SLC48A1: variants seen among roughly 807,000 people sequenced by gnomAD.
The protein encoded by SLC48A1 is heme transporter HRG1.
SLC48A1 carries 6 observed loss-of-function variants against 14.8 expected under a neutral mutation model. The observed-to-expected ratio is 0.41, with a 90% CI of 0.22 to 0.80. SLC48A1 has a LOEUF of 0.80. Ranked by LOEUF, SLC48A1 falls within the 30% of genes least tolerant of loss-of-function variation. The pLI, the probability that SLC48A1 is intolerant of heterozygous loss-of-function variation, is 0.34. For synonymous variants in SLC48A1, 89 were observed against 90.0 expected, an observed-to-expected ratio of 0.99 and a Z score of 0.06; for missense variants, 165 against 204.8, an observed-to-expected ratio of 0.81 and a Z score of 1.19.
chr12:47,770,812 G>T (rs978538864), upstream of SLC48A1: 7 of 456,518 alleles, frequency 1.5e-5, no homozygotes, highest in Non-Finnish European at 2.2e-5. Context: ...CTCCAAACCC[G>T]CTACTCTACC....
intron 2 of SLC48A1, among the ~76,000 whole-genome samples, chr12:47,779,631 T>A (rs899268875): frequency 2.0e-5 from 3 of 151,960 alleles, no homozygotes; most frequent in Non-Finnish European, 4.4e-5. Context: ...CCTTCCCTAA[T>A]CCCCACGGCC....
upstream of SLC48A1, chr12:47,773,197 G>C (rs1942663090): frequency 9.9e-7 from 1 of 1,012,932 alleles, no homozygotes; most frequent in Admixed American, 6.0e-5. Flanking sequence ...GCGGAGCGCG[G>C]GGCGCCGGCT....
chr12:47,773,663 G>A (rs1262307140), intron 1 of SLC48A1, among the ~76,000 whole-genome samples: 1 of 151,108 alleles, frequency 6.6e-6, no homozygotes, highest in African/African-American at 2.4e-5. Flanking sequence ...ACCTGGGGGT[G>A]CCGACGGCCC....
chr12:47,760,223 G>A lies in SLC48A1; in HGVS notation c.-365G>A, dbSNP rs915304886. On this transcript the variant is annotated 5_prime_UTR_variant, in exon 2 of 5. Coordinates refer to the SLC48A1 transcript ENST00000547002. ...TTGGAACAAACACCCCAGGTCATCTGCTGTGTCCACACATTAAGAAACGCT... is the reference window on the plus strand; with the variant it reads ...TTGGAACAAACACCCCAGGTCATCTACTGTGTCCACACATTAAGAAACGCT... The A allele has an allele frequency of 2.0e-5, 20 of 985,484 alleles. No homozygotes were observed. The South Asian group carries it at 9.4e-4, about 46-fold the overall frequency. 61.0% of individuals were successfully genotyped at this position (985,484 alleles called of 1,614,324 possible).
upstream of SLC48A1, chr12:47,773,231 G>C (rs909162506): frequency 6.5e-5 from 74 of 1,134,028 alleles, no homozygotes; most frequent in Non-Finnish European, 7.9e-5. Context: ...CCGCGGCTCC[G>C]GCTGGCGGCT....
At chr12:47,773,204 G>A, upstream of SLC48A1, 1 of 1,032,738 alleles carries the variant, frequency 9.7e-7, no homozygotes, top group Non-Finnish European at 1.2e-6. Context: ...GCGGGGCGCC[G>A]GCTGCTCTGG....
upstream of SLC48A1, chr12:47,770,715 G>GT (rs948419883): frequency 2.3e-6 from 1 of 426,022 alleles, no homozygotes; most frequent in African/African-American, 2.0e-5. Context: ...ACACAGAATT[G>GT]TGAGTTTTCT....
chr12:47,771,025 G>A (rs188616194), upstream of SLC48A1: 534 of 430,616 alleles, frequency 1.2e-3, no homozygotes, highest in Non-Finnish European at 1.9e-3. Flanking sequence ...ACTCTCCACC[G>A]GCAGCTCCTA....
At chr12:47,759,321 C>A (rs1320009951) in intron 1 of SLC48A1, among the ~76,000 whole-genome samples, 1 of 152,230 alleles carries the variant, frequency 6.6e-6, no homozygotes, top group Admixed American at 6.5e-5. Context: ...GGTCTCCAGC[C>A]GCCCGGGGGA....
At position 47,780,772 on chromosome 12, in the gene SLC48A1, G is replaced by GGCCA. The variant is rs1942854808; in HGVS notation, c.*493_*496dup. 1 of 436,424 alleles carries GGCCA rather than the reference G, an allele frequency of 2.3e-6. No homozygotes were observed. Among genetic ancestry groups the GGCCA allele is most frequent in the African/African-American group, 2.0e-5 (1 of 49,716 alleles). The allele number at this position is 436,424 out of a possible 1,614,324, so 27.0% of individuals were successfully genotyped here. A position where few individuals can be genotyped will look rare whatever the true frequency, so the allele number is the denominator to read the frequency against. ...AGTAGAGACAGGGTTTTGCCATGTT[G>GGCCA]GCCAGGCTGGTCTCGAACTCCTGAT... On this transcript the variant is annotated 3_prime_UTR_variant, in exon 3 of 3. Coordinates refer to ENST00000442218, the MANE Select transcript of SLC48A1 (RefSeq NM_017842.3).
upstream of SLC48A1, chr12:47,769,462 G>T (rs886840765): frequency 3.9e-5 from 6 of 152,198 alleles, no homozygotes; most frequent in African/African-American, 1.4e-4. Flanking sequence ...CCATTCTCAA[G>T]GTCTTTCACT....
At chr12:47,758,357 A>G, upstream of SLC48A1, 2 of 1,464,922 alleles carry the variant, frequency 1.4e-6, no homozygotes, top group South Asian at 1.4e-5. Context: ...ATGCCCCTGC[A>G]GGGATCTCCA....
At chr12:47,757,810 G>GC (rs911559225), upstream of SLC48A1, 3 of 1,470,940 alleles carry the variant, frequency 2.0e-6, no homozygotes, top group Middle Eastern at 2.4e-4. Flanking sequence ...CATGATCTAG[G>GC]CCCCCCTCTA....
chr12:47,778,145 A>G (rs372458485), intron 1 of SLC48A1, among the ~76,000 whole-genome samples: 264 of 152,358 alleles, frequency 1.7e-3, no homozygotes, highest in African/African-American at 5.9e-3. Context: ...GGGCTGCACC[A>G]GCAGGCACTG....
rs540813101 is a variant in SLC48A1 at position 47,775,096 on chromosome 12, G to T, written c.136+1656G>T. Among the ~76,000 whole-genome samples, 12 of 152,216 alleles carry T rather than the reference G, an allele frequency of 7.9e-5. No homozygotes were observed. In the East Asian group the frequency reaches 2.1e-3, roughly 27 times the overall value. On this transcript the variant is annotated intron_variant, in intron 1 of 2. Transcript: ENST00000442218. ...TACCTGGCCGTTTGACCCTATCCTG[G>T]GCCACAGTTTCCTCATCTATTAGGA...
Position 47,780,341 on chromosome 12 carries a change from G to A in SLC48A1, c.*60G>A. ...CTTAGGACCTGGACTCAGCCTCTGA[G>A]ATGTTGGGAGAGGCTACTCCCACCC... On this transcript the variant is annotated 3_prime_UTR_variant, in exon 3 of 3. Coordinates refer to ENST00000442218, the MANE Select transcript of SLC48A1 (RefSeq NM_017842.3). 1 of 1,612,444 alleles carries A rather than the reference G, an allele frequency of 6.2e-7. No homozygotes were observed. Among genetic ancestry groups the A allele is most frequent in the South Asian group, 1.1e-5 (1 of 91,038 alleles).
chr12:47,758,581 G>C (rs750531972), exon 1 of SLC48A1: 3 of 1,613,700 alleles, frequency 1.9e-6, no homozygotes, highest in South Asian at 2.2e-5. Context: ...TCGCACAGCC[G>C]TGCAGGCTCT....
intron 2 of SLC48A1, among the ~76,000 whole-genome samples, chr12:47,764,975 G>A (rs1942481106): frequency 1.3e-5 from 2 of 150,672 alleles, no homozygotes; most frequent in Non-Finnish European, 2.9e-5. Flanking sequence ...TACTCGGGAG[G>A]CTGAGGCAGG....
chr12:47,754,977 G>T (rs959651550), upstream of SLC48A1, among the ~76,000 whole-genome samples: 9 of 152,246 alleles, frequency 5.9e-5, no homozygotes, highest in African/African-American at 2.2e-4. Flanking sequence ...CACAGAGCCA[G>T]ACAGCCTGGG....
Sources: allele counts gnomAD v4.1 joint callset (sites outside exome capture counted in the v4.1 genomes callset), GRCh38; gene constraint gnomAD v4.1.1; transcripts MANE v1.5; gene names NCBI Gene and HGNC (gene_info 2026-07-23, HGNC 2026-07-21).